The following ATP1A3 variants were observed in gnomAD, a reference collection of about 807,000 sequenced individuals.
ATP1A3 encodes sodium/potassium-transporting ATPase subunit alpha-3.
ATP1A3 carries 12 observed loss-of-function variants against 108.8 expected under a neutral mutation model. The observed-to-expected ratio is 0.11, with a 90% CI of 0.07 to 0.18. The LOEUF (loss-of-function observed/expected upper bound fraction) is 0.18. Among genes scored for constraint, ATP1A3 ranks in the 10% least tolerant of loss-of-function variants. The probability of loss-of-function intolerance (pLI) is 1.00; values close to 1 mark genes in which losing one functional copy is unlikely to be tolerated. For synonymous variants in ATP1A3, 539 were observed against 564.5 expected, an observed-to-expected ratio of 0.95 and a Z score of 0.64; for missense variants, 498 against 1,387.7, an observed-to-expected ratio of 0.36 and a Z score of 10.19.
In ATP1A3 at chr19:41,967,261, T is replaced by C; in HGVS notation, c.3001A>G (p.Arg1001Gly). The C allele has an allele frequency of 2.5e-6, 4 of 1,614,000 alleles. No homozygotes were observed. Among genetic ancestry groups the C allele is most frequent in the Non-Finnish European group, 3.4e-6 (4 of 1,179,994 alleles). Reference protein sequence around the residue: ...YDEIRKLILRRNPGGWVEKET... With the variant: ...YDEIRKLILRGNPGGWVEKET... ...CGAGCTCCCTCACCCCCTGGGTTCCTGCGCAGGATGAGTTTGCGGATTTCG... is the reference window on the plus strand; with the variant it reads ...CGAGCTCCCTCACCCCCTGGGTTCCCGCGCAGGATGAGTTTGCGGATTTCG... The change falls in exon 22 of 23, where the codon AGG (arginine) becomes GGG (glycine). Residue 1001 changes from arginine to glycine, a missense_variant. By Grantham distance (125) the Arg-to-Gly change is moderately radical. Around this residue, in one of 9 missense-constraint regions of ATP1A3, gnomAD observed 29 missense variants for 41.0 expected, o/e 0.71. Transcript: ENST00000648268. The surrounding 1 kb of genome is among the most constrained non-coding windows in gnomAD (Gnocchi z 4.2).
chr19:41,975,586 C>T lies in ATP1A3; in HGVS notation c.2263+43G>A, dbSNP rs782672374. 1.9e-4 allele frequency: 304 copies of T among 1,612,416 alleles called. 2 individuals are homozygous for T. In the Admixed American group the frequency reaches 3.0e-3, roughly 16 times the overall value. On this transcript the variant is annotated intron_variant, in intron 16 of 22. Transcript: ENST00000648268. ...GTTCCCCTTGCTGGTCTCAGGCCTC[C>T]GGTAGTGACCCTGGTCTCCAGGGCC...
intron 8 of ATP1A3, among the ~76,000 whole-genome samples, chr19:41,983,505 G>A (rs978394690): frequency 6.6e-6 from 1 of 151,190 alleles, no homozygotes; most frequent in Non-Finnish European, 1.5e-5. Flanking sequence ...CTGTCAGGCG[G>A]AACCTCACAG....
At chr19:41,973,680 T>C (rs976591502) in intron 16 of ATP1A3, among the ~76,000 whole-genome samples, 3 of 152,210 alleles carry the variant, frequency 2.0e-5, no homozygotes, top group Non-Finnish European at 4.4e-5. Context: ...ATATCACAAT[T>C]TGTAATTACA....
rs2075069509 is a variant in ATP1A3, at chr19:41,968,630, T to C, written c.2819+155A>G. ...GGTCGAGGCTGCAGTGAGCTATGAT[T>C]ACACCACTGAACTCCAGTCTGGGTG... On this transcript the variant is annotated intron_variant, in intron 20 of 22. Transcript: ENST00000648268. The surrounding 1 kb of genome is among the most constrained non-coding windows in gnomAD (Gnocchi z 5.0). 6.6e-6 allele frequency among the ~76,000 whole-genome samples: 1 copy of C among 152,072 alleles called. No individual in the cohort carries two copies. The highest frequency in any genetic ancestry group is 1.5e-5 in the Non-Finnish European group (1 of 67,988).
Position 41,970,317 on chromosome 19 carries a change from A to G in ATP1A3, c.2419-9T>C. On this transcript the variant is annotated splice_polypyrimidine_tract_variant and intron_variant, in intron 17 of 22. Transcript: ENST00000648268. ...AGTGAGATGGCAGGGACCTAGGCGG[A>G]GGAGGCCGGGTGAGCCGGAGAGGGG... 1.2e-6 allele frequency: 2 copies of G among 1,613,908 alleles called. No homozygotes were observed. The highest frequency in any genetic ancestry group is 1.7e-6 in the Non-Finnish European group (2 of 1,179,966).
At chr19:41,986,769 G>T (rs1350950910) in intron 4 of ATP1A3, 1 of 151,176 alleles carries the variant, frequency 6.6e-6, no homozygotes. Context: ...TTGAGACAGG[G>T]TCTCGCTCTG....
intron 1 of ATP1A3, among the ~76,000 whole-genome samples, chr19:41,990,241 G>T (rs2075323947): frequency 6.7e-6 from 1 of 149,624 alleles, no homozygotes; most frequent in Non-Finnish European, 1.5e-5. Context: ...TCTGGGATCT[G>T]CCTATCTCTG....
chr19:41,971,027 T>C (rs1484130666), intron 16 of ATP1A3, among the ~76,000 whole-genome samples: 3 of 151,592 alleles, frequency 2.0e-5, no homozygotes, highest in Non-Finnish European at 2.9e-5. Flanking sequence ...TGCAGTGGCA[T>C]GATCACGGCT....
At chr19:41,993,949 C>T in intron 1 of ATP1A3, 122 bp downstream of exon 1, 3 of 1,533,974 alleles carry the variant, frequency 2.0e-6, no homozygotes, top group Non-Finnish European at 2.6e-6. Flanking sequence ...GCCGGCTCCC[C>T]GGGTCTCGCA....
Position 41,981,002 on chromosome 19 carries a change from T to C in ATP1A3, c.1437+500A>G, listed in dbSNP as rs1476316874. ...TCCCACTCTCTGCTGTAGGAAAACT[T>C]TTTTTTTTTTTTTGAGTCAGGGTCT... is the stretch of plus-strand genomic sequence containing the variant. On this transcript the variant is annotated intron_variant, in intron 11 of 22. Transcript: ENST00000648268. This position sits in a 1 kb window ranked among gnomAD's most constrained non-coding sequence, Gnocchi z 5.0. 6.9e-6 allele frequency among the ~76,000 whole-genome samples: 1 copy of C among 145,304 alleles called. No individual in the cohort carries two copies. Among genetic ancestry groups the C allele is most frequent in the African/African-American group, 2.5e-5 (1 of 39,922 alleles).
intron 11 of ATP1A3, among the ~76,000 whole-genome samples, chr19:41,979,320 GT>G (rs1161247972): frequency 1.1e-3 from 144 of 136,418 alleles, no homozygotes; most frequent in Middle Eastern, 4.3e-3. Flanking sequence ...CTCCCACCCT[GT>G]TTTTTTTTTT....
Position 41,988,505 on chromosome 19 carries a change from G to A in ATP1A3, c.64C>T (p.Leu22=). Residue 22 remains leucine, a synonymous_variant, in exon 2 of 23, where the codon CTG becomes TTG. Transcript: ENST00000648268. The surrounding 1 kb of genome is among the most constrained non-coding windows in gnomAD (Gnocchi z 5.3). ...GCCACCTCCTTCTTGAGGTCATCCA[G>A]GTCCCGGCGCTCCTTGCCCTTGTTC... ...KKNKGKERRD[L]DDLKKEVAMT... is the part of the protein sequence containing the mutation. 6.2e-7 allele frequency: 1 copy of A among 1,614,202 alleles called. No homozygotes were observed. Among genetic ancestry groups the A allele is most frequent in the South Asian group, 1.1e-5 (1 of 91,084 alleles).
In ATP1A3 at chr19:41,981,377, C is replaced by T. The variant is rs1367844792; in HGVS notation, c.1437+125G>A. The T allele has an allele frequency of 4.8e-6, 7 of 1,469,116 alleles. No individual in the cohort carries two copies. Among genetic ancestry groups the T allele is most frequent in the Non-Finnish European group, 6.6e-6 (7 of 1,058,066 alleles). 91.0% of individuals were successfully genotyped at this position (1,469,116 alleles called of 1,614,324 possible). On this transcript the variant is annotated intron_variant, in intron 11 of 22. Coordinates refer to ENST00000648268, the MANE Select transcript of ATP1A3 (RefSeq NM_152296.5). The surrounding 1 kb of genome is among the most constrained non-coding windows in gnomAD (Gnocchi z 5.0). ...ACTCTCAAGCTCTCCCTGTTCCTCT[C>T]CCCACCAGGCGGGTATTATCATTCC...
rs368093570 is a variant in ATP1A3, at chr19:41,974,452, C to G, written c.2263+1177G>C. Among the ~76,000 whole-genome samples, 340 of 152,186 alleles carry G rather than the reference C, an allele frequency of 2.2e-3. 1 individual carries two copies. Among genetic ancestry groups the G allele is most frequent in the Non-Finnish European group, 3.4e-3 (234 of 68,008 alleles). On this transcript the variant is annotated intron_variant, in intron 16 of 22. Coordinates refer to ENST00000648268, the MANE Select transcript of ATP1A3 (RefSeq NM_152296.5). ...ATTGAGACTCTATCCCCGCCCCCAG[C>G]CCCCAAAAAAAGATGTCTCTTGGGA...
chr19:41,981,487 G>T lies in ATP1A3; in HGVS notation c.1437+15C>A. 6.2e-7 allele frequency: 1 copy of T among 1,614,190 alleles called. No homozygotes were observed. Among genetic ancestry groups the T allele is most frequent in the South Asian group, 1.1e-5 (1 of 91,078 alleles). On this transcript the variant is annotated intron_variant, in intron 11 of 22. Transcript: ENST00000648268. This position sits in a 1 kb window ranked among gnomAD's most constrained non-coding sequence, Gnocchi z 5.0. The stretch of plus-strand genomic sequence containing the variant: ...CCTGAGGTCCAGGCTGGCTCTCCCG[G>T]AAAGCCCAGAGTACCTGGTATTTGT...
intron 8 of ATP1A3, among the ~76,000 whole-genome samples, chr19:41,984,027 G>A (rs1179376834): frequency 1.3e-5 from 2 of 151,662 alleles, no homozygotes; most frequent in East Asian, 1.9e-4. Context: ...CACCCGCCTC[G>A]GCCTCCCAAA....
At chr19:41,989,180 T>G (rs1486111370) in intron 1 of ATP1A3, among the ~76,000 whole-genome samples, 4 of 152,078 alleles carry the variant, frequency 2.6e-5, no homozygotes, top group Admixed American at 6.6e-5. Context: ...ACTCAAGCGA[T>G]CCTCCTGCTT....
rs1435974686 is a variant in ATP1A3, at chr19:41,971,449, C to T, written c.2264-907G>A. The stretch of plus-strand genomic sequence containing the variant: ...GTTTATGCCCAGCGAAAAGCAAGTA[C>T]GAGAATGTTCACCATAGCACCACTC... On this transcript the variant is annotated intron_variant, in intron 16 of 22. Transcript: ENST00000648268. 2.6e-5 allele frequency among the ~76,000 whole-genome samples: 4 copies of T among 152,122 alleles called. No individual in the cohort carries two copies. The South Asian group carries it at 6.2e-4, about 24-fold the overall frequency.
rs376316376 is a variant in ATP1A3, at chr19:41,970,912, G to A, written c.2264-370C>T. 7.2e-4 allele frequency among the ~76,000 whole-genome samples: 108 copies of A among 150,212 alleles called. No individual in the cohort carries two copies. In the Middle Eastern group the frequency reaches 0.011, roughly 15 times the overall value. ...CTCCTGAAGTGCTGGGATTACAGGCGTGAGCCACCGCGCCCGGCCTGTCCA... is the reference window on the plus strand; with the variant it reads ...CTCCTGAAGTGCTGGGATTACAGGCATGAGCCACCGCGCCCGGCCTGTCCA... On this transcript the variant is annotated intron_variant, in intron 16 of 22. Coordinates refer to ENST00000648268, the MANE Select transcript of ATP1A3 (RefSeq NM_152296.5).
Sources: allele counts gnomAD v4.1 joint callset (sites outside exome capture counted in the v4.1 genomes callset), GRCh38; gene constraint gnomAD v4.1.1; regional missense constraint gnomAD v4.1.1; non-coding constraint Gnocchi (gnomAD v3.1); transcripts MANE v1.5; gene names NCBI Gene and HGNC (gene_info 2026-07-23, HGNC 2026-07-21).